The following TCF4 variants were observed in gnomAD, a reference collection of about 807,000 sequenced individuals.
TCF4 encodes SL3-3 enhancer factor 2.
TCF4 carries 3 observed loss-of-function variants against 82.1 expected under a neutral mutation model. The observed-to-expected ratio is 0.04, with a 90% CI of 0.02 to 0.09. TCF4 has a LOEUF of 0.09. Among genes scored for constraint, TCF4 ranks in the 10% least tolerant of loss-of-function variants. The pLI is 1.00. For missense variants in TCF4, 518 were observed against 852.7 expected, an observed-to-expected ratio of 0.61 and a Z score of 4.89; for synonymous variants, 276 against 309.6, an observed-to-expected ratio of 0.89 and a Z score of 1.14.
chr18:55,242,843 T>G (rs1314702976), intron 15 of TCF4, among the ~76,000 whole-genome samples: 1 of 152,114 alleles, frequency 6.6e-6, no homozygotes, highest in Non-Finnish European at 1.5e-5. Flanking sequence ...CTCCTGAACT[T>G]GTGATCCTCC....
At chr18:55,271,460 A>G (rs558242372) in intron 10 of TCF4, among the ~76,000 whole-genome samples, 1 of 152,144 alleles carries the variant, frequency 6.6e-6, no homozygotes, top group Non-Finnish European at 1.5e-5. Flanking sequence ...TTGAGAGCCA[A>G]CTAGTCTAAG....
upstream of TCF4, among the ~76,000 whole-genome samples, chr18:55,592,854 G>A (rs975839669): frequency 2.6e-5 from 4 of 152,060 alleles, no homozygotes; most frequent in Non-Finnish European, 5.9e-5. Flanking sequence ...AAGAGAGAAC[G>A]GTCTTGGGAG....
intron 6 of TCF4, among the ~76,000 whole-genome samples, chr18:55,373,416 G>A (rs557248860): frequency 2.6e-5 from 4 of 152,064 alleles, no homozygotes; most frequent in East Asian, 3.9e-4. Context: ...TACCCTGAGC[G>A]GTTGGTAAAT....
intron 3 of TCF4, among the ~76,000 whole-genome samples, chr18:55,532,793 T>C (rs17597786): frequency 0.098 from 14,884 of 152,220 alleles, 1,040 homozygotes; most frequent in Admixed American, 0.22. Context: ...CTGCCTGGGA[T>C]TGGTCTCCTA....
chr18:55,314,287 G>A (rs1475195466), intron 8 of TCF4, among the ~76,000 whole-genome samples: 2 of 152,014 alleles, frequency 1.3e-5, no homozygotes, highest in East Asian at 1.9e-4. Flanking sequence ...GTAATAACAG[G>A]TGCAGAAATA....
intron 3 of TCF4, among the ~76,000 whole-genome samples, chr18:55,572,923 C>T (rs935591803): frequency 6.6e-6 from 1 of 151,982 alleles, no homozygotes; most frequent in Non-Finnish European, 1.5e-5. Flanking sequence ...TGTGGTGGCA[C>T]ATGCTTGTAA....
intron 5 of TCF4, among the ~76,000 whole-genome samples, chr18:55,456,056 G>A (rs2095746177): frequency 6.6e-6 from 1 of 152,184 alleles, no homozygotes; most frequent in African/African-American, 2.4e-5. Context: ...TTTATGCTGG[G>A]CTAAACTCAG....
At position 55,223,873 on chromosome 18, in the gene TCF4, C is replaced by T. The variant is rs1242681508; in HGVS notation, c.*4162G>A. On this transcript the variant is annotated 3_prime_UTR_variant, in exon 20 of 20. Transcript: ENST00000354452. ...CCCATACAGTTTCATCTTGGTAACA[C>T]ATGGTAAAATAACATCTTTTAAATA... The T allele has an allele frequency of 6.6e-6, 1 of 152,182 alleles. No individual in the cohort carries two copies. Among genetic ancestry groups the T allele is most frequent in the Non-Finnish European group, 1.5e-5 (1 of 67,976 alleles). The allele number at this position is 152,182 out of a possible 1,614,324, so 9.4% of individuals were successfully genotyped here. A position where few individuals can be genotyped will look rare whatever the true frequency, so the allele number is the denominator to read the frequency against.
At chr18:55,388,296 G>GTT (rs1257720978) in intron 6 of TCF4, among the ~76,000 whole-genome samples, 2 of 152,180 alleles carry the variant, frequency 1.3e-5, no homozygotes, top group African/African-American at 4.8e-5. Context: ...TGTGGCTGGT[G>GTT]TTGCACTTCT....
At chr18:55,403,377 C>A in intron 6 of TCF4, 77 bp downstream of exon 6, 2 of 1,527,706 alleles carry the variant, frequency 1.3e-6, no homozygotes, top group Non-Finnish European at 1.8e-6. Context: ...GTTTAAAATG[C>A]ATCATCTAAT....
In TCF4 at chr18:55,329,049, C is replaced by T. The variant is rs531465726; in HGVS notation, c.549+21310G>A. Among the ~76,000 whole-genome samples the T allele has an allele frequency of 2.6e-5, 4 of 152,092 alleles. No individual in the cohort carries two copies. The East Asian group carries it at 5.8e-4, about 22-fold the overall frequency. On this transcript the variant is annotated intron_variant, in intron 8 of 19. Coordinates refer to ENST00000354452, the MANE Select transcript of TCF4 (RefSeq NM_001083962.2). ...ACTTTAAATGGCCACCTCTGACAAA[C>T]GGAATGAAAAGAGTAGGTATAAAGG...
At chr18:55,415,743 C>T (rs2119292) in intron 5 of TCF4, among the ~76,000 whole-genome samples, 138,640 of 152,264 alleles carry the variant, frequency 0.91, 63,309 homozygotes, top group East Asian at 1. Context: ...GTTTTCAAGG[C>T]CACAGTAGTT....
chr18:55,600,448 C>G (rs2097695648), intron 2 of TCF4, among the ~76,000 whole-genome samples: 1 of 152,206 alleles, frequency 6.6e-6, no homozygotes, highest in Admixed American at 6.5e-5. Context: ...AGGGCCAGTA[C>G]TGTCCTAGAG....
chr18:55,588,611 C>A, upstream of TCF4: 1 of 1,498,028 alleles, frequency 6.7e-7, no homozygotes. Context: ...CGTTCCCTCT[C>A]ACTCACACAT....
chr18:55,448,862 C>T (rs978240578), intron 5 of TCF4, among the ~76,000 whole-genome samples: 17 of 152,310 alleles, frequency 1.1e-4, no homozygotes, highest in South Asian at 2.1e-4. Context: ...ATTTTTATTT[C>T]AGAACCAAAT....
chr18:55,373,197 T>C (rs1569243451), intron 6 of TCF4, among the ~76,000 whole-genome samples: 1 of 151,136 alleles, frequency 6.6e-6, no homozygotes, highest in African/African-American at 2.4e-5. Flanking sequence ...TAAAAATATA[T>C]AAAAAATATG....
rs199539119 is a variant in TCF4, at chr18:55,422,148, A to AC, written c.305-18631dup. On this transcript the variant is annotated intron_variant, in intron 5 of 19. Transcript: ENST00000354452. ...TCCAAAAAAAAAAAAAAAAAAAAAA[A>AC]CCCACCCTGAATAGAGAAATCGAAT... 4.3e-3 allele frequency: 3,528 copies of AC among 826,578 alleles called. 8 individuals carry two copies. The highest frequency in any genetic ancestry group is 4.7e-3 in the Non-Finnish European group (3,265 of 691,812). 51.2% of individuals were successfully genotyped at this position (826,578 alleles called of 1,614,324 possible). A position where few individuals can be genotyped will look rare whatever the true frequency, so the allele number is the denominator to read the frequency against.
chr18:55,352,970 A>G (rs2082629981), intron 6 of TCF4, among the ~76,000 whole-genome samples: 1 of 152,194 alleles, frequency 6.6e-6, no homozygotes, highest in African/African-American at 2.4e-5. Flanking sequence ...GGAGTTTGAA[A>G]ATAACTTTGT....
At chr18:55,631,417 TG>T in intron 1 of TCF4, 2 of 1,541,498 alleles carry the variant, frequency 1.3e-6, no homozygotes, top group Non-Finnish European at 1.8e-6. Context: ...ATGGTGGACA[TG>T]TTAGAATGAA....
Sources: allele counts gnomAD v4.1 joint callset (sites outside exome capture counted in the v4.1 genomes callset), GRCh38; gene constraint gnomAD v4.1.1; transcripts MANE v1.5; gene names NCBI Gene and HGNC (gene_info 2026-07-23, HGNC 2026-07-21).